Variants in CD55 observed in about 807,000 individuals in gnomAD.
The protein encoded by CD55 is complement decay-accelerating factor.
Under a neutral mutation model 45.8 loss-of-function variants are expected in CD55, and 41 were observed. The ratio of observed to expected loss-of-function variants is 0.90; its 90% CI spans 0.70 to 1.16. The LOEUF (loss-of-function observed/expected upper bound fraction) is 1.16. Among genes scored for constraint, CD55 ranks in the 50% most tolerant of loss-of-function variants. The pLI, the probability that CD55 is intolerant of heterozygous loss-of-function variation, is 0.00. For synonymous variants in CD55, 181 were observed against 181.1 expected, an observed-to-expected ratio of 1.00 and a Z score of 0.01; for missense variants, 416 against 469.8, an observed-to-expected ratio of 0.89 and a Z score of 1.06.
intron 5 of CD55, 84 bp downstream of exon 5, chr1:207,326,921 C>T: frequency 1.0e-6 from 1 of 970,972 alleles, no homozygotes; most frequent in Non-Finnish European, 1.6e-6. Flanking sequence ...AGAATATTAG[C>T]ACAGTGTGTA....
At chr1:207,349,923 C>T (rs12094031) in intron 9 of CD55, among the ~76,000 whole-genome samples, 1 of 152,090 alleles carries the variant, frequency 6.6e-6, no homozygotes, top group African/African-American at 2.4e-5. Context: ...TAATGGACAT[C>T]CTTGTCTTGT....
At chr1:207,337,598 CA>C (rs1655243862) in intron 8 of CD55, 189 bp downstream of exon 8, 2 of 412,686 alleles carry the variant, frequency 4.8e-6, no homozygotes, top group Non-Finnish European at 8.6e-6. Context: ...AAAAAAGAAA[CA>C]TTTACAATAA....
chr1:207,344,555 C>G (rs977740469), intron 9 of CD55, among the ~76,000 whole-genome samples: 7 of 152,028 alleles, frequency 4.6e-5, no homozygotes, highest in Non-Finnish European at 1.0e-4. Flanking sequence ...TATATCATCC[C>G]GTTCTCTCCT....
chr1:207,322,652 T>C (rs1654475166), intron 2 of CD55, 85 bp downstream of exon 2: 2 of 1,150,300 alleles, frequency 1.7e-6, no homozygotes, highest in Non-Finnish European at 1.2e-6. Flanking sequence ...TGACTAGTAA[T>C]TGATAGTTCT....
At chr1:207,333,286 G>C (rs1655028246) in intron 6 of CD55, among the ~76,000 whole-genome samples, 1 of 152,194 alleles carries the variant, frequency 6.6e-6, no homozygotes, top group Admixed American at 6.5e-5. Context: ...CTGAAGGACA[G>C]ACCTGGATCT....
At chr1:207,353,615 G>A (rs1052833372) in intron 9 of CD55, among the ~76,000 whole-genome samples, 8 of 152,212 alleles carry the variant, frequency 5.3e-5, no homozygotes, top group African/African-American at 1.9e-4. Flanking sequence ...TCAGTTATCT[G>A]CCTGTTATTC....
chr1:207,349,159 A>G (rs1655764694), intron 9 of CD55, among the ~76,000 whole-genome samples: 2 of 151,704 alleles, frequency 1.3e-5, no homozygotes, highest in South Asian at 2.1e-4. Context: ...TTTAGGCAGT[A>G]TGGCCCTTTT....
Position 207,359,536 on chromosome 1 carries a change from T to TTTTTC in CD55, c.1082-10_1082-9insTTTTC. 5.2e-6 allele frequency: 8 copies of TTTTTC among 1,539,620 alleles called. No individual in the cohort carries two copies. Among genetic ancestry groups the TTTTTC allele is most frequent in the Non-Finnish European group, 6.9e-6 (8 of 1,152,924 alleles). ...TTTAACTTTTTTTTTTTTTTTTTTT[T>TTTTTC]AATTTTCAGGGCACACGTGTTTCAC... is the stretch of plus-strand genomic sequence containing the variant. On this transcript the variant is annotated splice_polypyrimidine_tract_variant and intron_variant, in intron 9 of 9. Transcript: ENST00000367064.
intron 3 of CD55, 42 bp downstream of exon 3, chr1:207,324,792 TG>T (rs367687292): frequency 1.9e-5 from 24 of 1,272,196 alleles, no homozygotes; most frequent in African/African-American, 3.0e-5. Context: ...ATCTGGTGTT[TG>T]GGGGAAATAG....
chr1:207,357,212 C>T (rs1375068369), intron 9 of CD55, among the ~76,000 whole-genome samples: 2 of 152,064 alleles, frequency 1.3e-5, no homozygotes, highest in Non-Finnish European at 2.9e-5. Context: ...TTTTTACAGG[C>T]ATTTGTTTAA....
chr1:207,356,105 G>A (rs1176218009), intron 9 of CD55, among the ~76,000 whole-genome samples: 1 of 152,100 alleles, frequency 6.6e-6, no homozygotes, highest in Admixed American at 6.5e-5. Flanking sequence ...AATTGCTCAT[G>A]TTTCTATTAA....
At chr1:207,342,580 G>A (rs1558153008) in intron 9 of CD55, among the ~76,000 whole-genome samples, 1 of 152,058 alleles carries the variant, frequency 6.6e-6, no homozygotes, top group South Asian at 2.1e-4. Context: ...TTTTGATGTG[G>A]TGTTGGATTT....
chr1:207,325,286 G>A (rs1469640458), intron 3 of CD55, among the ~76,000 whole-genome samples: 1 of 141,944 alleles, frequency 7.0e-6, no homozygotes, highest in Non-Finnish European at 1.5e-5. Context: ...AGTGAGCTGA[G>A]ATTATGTCAC....
intron 9 of CD55, among the ~76,000 whole-genome samples, chr1:207,356,008 C>T (rs1656064066): frequency 6.6e-6 from 1 of 152,116 alleles, no homozygotes; most frequent in South Asian, 2.1e-4. Context: ...CATAAGGAAG[C>T]CATATACAAA....
At chr1:207,353,134 A>G (rs1440029358) in intron 9 of CD55, among the ~76,000 whole-genome samples, 1 of 139,818 alleles carries the variant, frequency 7.2e-6, no homozygotes. Context: ...GCTCACGGCA[A>G]CCTCTGTTTC....
chr1:207,359,478 A>G, intron 9 of CD55, 68 bp from the exon 10 acceptor site: 1 of 1,396,222 alleles, frequency 7.2e-7, no homozygotes, highest in Non-Finnish European at 9.4e-7. Context: ...CTAAAAATTT[A>G]TATTTATCAC....
At chr1:207,344,127 A>G (rs1355444812) in intron 9 of CD55, among the ~76,000 whole-genome samples, 4 of 152,244 alleles carry the variant, frequency 2.6e-5, no homozygotes, top group Non-Finnish European at 5.9e-5. Context: ...GCCAGTATAC[A>G]TCTTTTAAGA....
At chr1:207,335,014 C>T (rs1655106866) in intron 6 of CD55, among the ~76,000 whole-genome samples, 1 of 152,126 alleles carries the variant, frequency 6.6e-6, no homozygotes, top group African/African-American at 2.4e-5. Flanking sequence ...AATAAGCTGA[C>T]ACAGTTACAT....
intron 9 of CD55, among the ~76,000 whole-genome samples, chr1:207,355,969 TAAAA>T (rs747562822): frequency 1.2e-4 from 19 of 152,162 alleles, no homozygotes; most frequent in Non-Finnish European, 1.9e-4. Flanking sequence ...ACAGGACAAA[TAAAA>T]CATGCATTTG....
Sources: gnomAD v4.1 joint callset for allele counts (sites outside exome capture counted in the v4.1 genomes callset) on GRCh38, gnomAD v4.1.1 for gene constraint, MANE v1.5 for transcripts, NCBI Gene and HGNC (gene_info 2026-07-23, HGNC 2026-07-21) for gene names.